DAPK2: variants seen among roughly 807,000 people sequenced by gnomAD.
DAPK2 encodes death associated protein kinase 2, also known as death-associated protein kinase 2.
Under a neutral mutation model 44.1 loss-of-function variants are expected in DAPK2, and 35 were observed. That is an observed-to-expected ratio of 0.79 (90% CI 0.61 to 1.05). The LOEUF (loss-of-function observed/expected upper bound fraction) is 1.05. Ranked by LOEUF, DAPK2 falls within the 50% of genes least tolerant of loss-of-function variation. The pLI, the probability that DAPK2 is intolerant of heterozygous loss-of-function variation, is 0.00. For synonymous variants in DAPK2, 174 were observed against 182.6 expected (o/e 0.95, Z 0.38); for missense variants, 453 against 483.2 (o/e 0.94, Z 0.59).
intron 1 of DAPK2, among the ~76,000 whole-genome samples, chr15:64,023,485 T>C (rs2079749723): frequency 6.6e-6 from 1 of 152,102 alleles, no homozygotes; most frequent in Non-Finnish European, 1.5e-5. Context: ...AGAGAGAGAA[T>C]TAACAGAGCT....
At chr15:64,009,351 C>T (rs967385305) in intron 1 of DAPK2, among the ~76,000 whole-genome samples, 10 of 152,132 alleles carry the variant, frequency 6.6e-5, no homozygotes, top group African/African-American at 2.4e-4. Flanking sequence ...ACCCAATCCA[C>T]ACCCCACATT....
chr15:63,929,403 T>C (rs1483395270), intron 6 of DAPK2, 148 bp downstream of exon 7: 2 of 995,914 alleles, frequency 2.0e-6, no homozygotes, highest in Admixed American at 2.2e-5. Context: ...CCTACAGCAC[T>C]TAGCCTCAGG....
At chr15:63,996,312 A>G (rs1031428564) in intron 1 of DAPK2, among the ~76,000 whole-genome samples, 21 of 152,192 alleles carry the variant, frequency 1.4e-4, no homozygotes, top group Admixed American at 3.9e-4. Flanking sequence ...GCATGGTGGC[A>G]TGTGCCTGTA....
At chr15:64,041,283 C>G (rs918779050), upstream of DAPK2, among the ~76,000 whole-genome samples, 2 of 152,194 alleles carry the variant, frequency 1.3e-5, no homozygotes, top group African/African-American at 2.4e-5. Flanking sequence ...GCTCTGTGAT[C>G]TCCTTTCTTG....
intron 1 of DAPK2, among the ~76,000 whole-genome samples, chr15:64,045,761 C>T (rs1168421492): frequency 6.6e-6 from 1 of 152,260 alleles, no homozygotes; most frequent in Non-Finnish European, 1.5e-5. Context: ...TCCACCCCAA[C>T]CTGCAGCACA....
At chr15:63,925,899 G>C (rs956390707) in intron 7 of DAPK2, 42 bp downstream of exon 8, 2 of 1,612,900 alleles carry the variant, frequency 1.2e-6, no homozygotes, top group African/African-American at 2.7e-5. Flanking sequence ...CGACAGGAAG[G>C]GATCAGTACC....
chr15:64,036,324 T>TAC lies in DAPK2; in HGVS notation c.92+3845_92+3846insGT, dbSNP rs1567290124. Reference sequence around the variant, plus strand: ...GTGTGTGTGTGTATATATATGTATATATATATATATATACATATATATATA... The same window carrying TAC: ...GTGTGTGTGTGTATATATATGTATATACATATATATATATACATATATATATA... On this transcript the variant is annotated intron_variant, in intron 1 of 10. Coordinates refer to ENST00000261891, the Ensembl canonical transcript of DAPK2. 2.9e-3 allele frequency among the ~76,000 whole-genome samples: 336 copies of TAC among 115,978 alleles called. 6 individuals are homozygous for TAC. The highest frequency in any genetic ancestry group is 8.4e-3 in the African/African-American group (274 of 32,734). The allele number at this position is 115,978 out of a possible 152,430, so 76.1% of individuals were successfully genotyped here. A position where few individuals can be genotyped will look rare whatever the true frequency, so the allele number is the denominator to read the frequency against.
chr15:64,014,475 G>C (rs548573453), intron 1 of DAPK2, among the ~76,000 whole-genome samples: 1 of 152,358 alleles, frequency 6.6e-6, no homozygotes, highest in Non-Finnish European at 1.5e-5. Flanking sequence ...GGAACAGAGA[G>C]GAGACAAGAC....
chr15:63,934,716 C>T (rs1445046514), intron 4 of DAPK2, among the ~76,000 whole-genome samples: 1 of 152,066 alleles, frequency 6.6e-6, no homozygotes, highest in Admixed American at 6.6e-5. Context: ...AGCCACAATG[C>T]CTGGCTAATT....
At chr15:63,989,715 A>G (rs983749583) in intron 1 of DAPK2, among the ~76,000 whole-genome samples, 3 of 152,124 alleles carry the variant, frequency 2.0e-5, no homozygotes, top group Admixed American at 6.5e-5. Flanking sequence ...ACGCACATAC[A>G]TAGTCTCGCT....
chr15:63,910,024 A>G (rs1459510079), intron 10 of DAPK2, among the ~76,000 whole-genome samples: 1 of 152,228 alleles, frequency 6.6e-6, no homozygotes, highest in African/African-American at 2.4e-5. Flanking sequence ...GCCCGGCTAT[A>G]ACAATAAAAA....
intron 1 of DAPK2, chr15:63,991,485 C>T: frequency 8.2e-6 from 3 of 364,956 alleles, no homozygotes; most frequent in South Asian, 2.0e-5. Context: ...TTGACGATGG[C>T]TTTGAAATTT....
chr15:63,920,066 T>C (rs968389195), intron 8 of DAPK2: 1 of 152,148 alleles, frequency 6.6e-6, no homozygotes, highest in Non-Finnish European at 1.5e-5. Context: ...AAGATATACA[T>C]TTTTGGATCT....
At chr15:64,032,430 T>C (rs544302469) in intron 1 of DAPK2, among the ~76,000 whole-genome samples, 6 of 152,290 alleles carry the variant, frequency 3.9e-5, no homozygotes, top group African/African-American at 1.4e-4. Flanking sequence ...ATATTCCAAA[T>C]AGGAGAACAG....
intron 1 of DAPK2, among the ~76,000 whole-genome samples, chr15:64,032,552 G>A (rs1288905338): frequency 6.6e-6 from 1 of 152,178 alleles, no homozygotes; most frequent in Middle Eastern, 3.2e-3. Flanking sequence ...CTTAGCACTT[G>A]GGGGAATGTG....
rs2080459221 is a variant in DAPK2 at position 64,046,231 on chromosome 15, G to A, written c.-7+67C>T. ...TCTTCGCCCCGCCAGCCCCAGACCC[G>A]GGCGCTGCTGCCGTCAGGCCGCGCG... is the stretch of plus-strand genomic sequence containing the variant. On this transcript the variant is annotated intron_variant, in intron 1 of 11. Coordinates refer to the DAPK2 transcript ENST00000457488. The surrounding 1 kb of genome is among the most constrained non-coding windows in gnomAD (Gnocchi z 5.3). 2 of 685,466 alleles carry A rather than the reference G, an allele frequency of 2.9e-6. No individual in the cohort carries two copies. The highest frequency in any genetic ancestry group is 3.6e-6 in the Non-Finnish European group (2 of 555,504). 42.5% of individuals were successfully genotyped at this position (685,466 alleles called of 1,614,324 possible).
intron 1 of DAPK2, among the ~76,000 whole-genome samples, chr15:64,015,647 T>C (rs2079505555): frequency 6.6e-6 from 1 of 152,198 alleles, no homozygotes; most frequent in African/African-American, 2.4e-5. Context: ...CATTCTGGAT[T>C]ACCTGAGTGG....
intron 3 of DAPK2, among the ~76,000 whole-genome samples, chr15:63,967,047 G>A (rs1465357735): frequency 4.6e-5 from 7 of 152,072 alleles, no homozygotes; most frequent in Non-Finnish European, 8.8e-5. Flanking sequence ...GGGCATAGTG[G>A]TGGGTGCCTG....
intron 1 of DAPK2, among the ~76,000 whole-genome samples, chr15:64,005,827 A>C (rs11634730): frequency 6.6e-6 from 1 of 152,054 alleles, no homozygotes; most frequent in Non-Finnish European, 1.5e-5. Flanking sequence ...CCAGGAGTTC[A>C]GGACCAGCCA....
Sources: gnomAD v4.1 joint callset for allele counts (sites outside exome capture counted in the v4.1 genomes callset) on GRCh38, gnomAD v4.1.1 for gene constraint, Gnocchi (gnomAD v3.1) non-coding constraint, MANE v1.5 for transcripts, NCBI Gene and HGNC (gene_info 2026-07-23, HGNC 2026-07-21) for gene names.